Variants in TUNAR observed in about 807,000 individuals in gnomAD.
TUNAR encodes the protein protein TUNAR.
chr14:95,907,744 A>G (rs1889449241), intron 2 of TUNAR, among the ~76,000 whole-genome samples: 1 of 152,200 alleles, frequency 6.6e-6, no homozygotes, highest in Non-Finnish European at 1.5e-5. Flanking sequence ...TTATGCCAGC[A>G]GGTCATCCCA....
At chr14:95,877,485 T>C (rs1242461789) in intron 2 of TUNAR, among the ~76,000 whole-genome samples, 1 of 152,184 alleles carries the variant, frequency 6.6e-6, no homozygotes, top group African/African-American at 2.4e-5. Context: ...GCAACAACTC[T>C]TATTTAGTGG....
chr14:95,912,401 C>T (rs1362853461), intron 2 of TUNAR, among the ~76,000 whole-genome samples: 1 of 152,108 alleles, frequency 6.6e-6, no homozygotes, highest in African/African-American at 2.4e-5. Flanking sequence ...TCGACACTGC[C>T]TTTTATTGTA....
chr14:95,884,755 C>T (rs983693005), intron 2 of TUNAR, among the ~76,000 whole-genome samples: 1 of 152,204 alleles, frequency 6.6e-6, no homozygotes, highest in African/African-American at 2.4e-5. Context: ...CAAGTATTCA[C>T]AAGACACCTG....
chr14:95,905,174 C>T (rs934748937), intron 2 of TUNAR, among the ~76,000 whole-genome samples: 1 of 152,132 alleles, frequency 6.6e-6, no homozygotes, highest in African/African-American at 2.4e-5. Context: ...ACCCAGTGGC[C>T]CCTCCCGTGA....
intron 2 of TUNAR, among the ~76,000 whole-genome samples, chr14:95,918,146 G>T (rs1172302254): frequency 6.6e-6 from 1 of 152,082 alleles, no homozygotes; most frequent in Admixed American, 6.6e-5. Context: ...TACATAGTGG[G>T]TGTATATATT....
At chr14:95,914,059 T>C (rs1224821970) in intron 2 of TUNAR, among the ~76,000 whole-genome samples, 1 of 152,164 alleles carries the variant, frequency 6.6e-6, no homozygotes, top group Non-Finnish European at 1.5e-5. Context: ...CAACCTTGGA[T>C]AAATATGGGC....
intron 2 of TUNAR, among the ~76,000 whole-genome samples, chr14:95,901,376 G>A (rs1316624752): frequency 6.6e-6 from 1 of 152,250 alleles, no homozygotes; most frequent in Non-Finnish European, 1.5e-5. Context: ...TTGGGGGCCA[G>A]GGATTCTGTT....
intron 2 of TUNAR, among the ~76,000 whole-genome samples, chr14:95,916,474 G>A (rs141888892): frequency 1.6e-4 from 25 of 152,260 alleles, no homozygotes; most frequent in African/African-American, 5.5e-4. Flanking sequence ...TTTCCTCGAC[G>A]CTGTGTGTTT....
At chr14:95,911,211 G>A (rs919437406) in intron 2 of TUNAR, among the ~76,000 whole-genome samples, 2 of 152,102 alleles carry the variant, frequency 1.3e-5, no homozygotes, top group Admixed American at 6.6e-5. Flanking sequence ...AGCCCTACTC[G>A]ATGTAGCATT....
intron 2 of TUNAR, among the ~76,000 whole-genome samples, chr14:95,916,206 A>T (rs1460085455): frequency 6.6e-6 from 1 of 152,208 alleles, no homozygotes; most frequent in Non-Finnish European, 1.5e-5. Context: ...CCAGTGGCTT[A>T]GAGAGTCCTG....
At chr14:95,913,819 G>A (rs932612173) in intron 2 of TUNAR, among the ~76,000 whole-genome samples, 6 of 151,960 alleles carry the variant, frequency 3.9e-5, no homozygotes, top group Non-Finnish European at 7.4e-5. Context: ...TGCAACCTCC[G>A]CCTCCCAGGT....
intron 2 of TUNAR, among the ~76,000 whole-genome samples, chr14:95,889,295 T>G (rs1052619805): frequency 6.6e-6 from 1 of 152,198 alleles, no homozygotes; most frequent in African/African-American, 2.4e-5. Flanking sequence ...GATATAAAGA[T>G]GAACATATTA....
chr14:95,880,430 C>T (rs546546522), intron 2 of TUNAR, among the ~76,000 whole-genome samples: 12 of 152,274 alleles, frequency 7.9e-5, no homozygotes, highest in Non-Finnish European at 1.6e-4. Flanking sequence ...TCCCCTTGCA[C>T]GGTAGAGGCT....
intron 2 of TUNAR, among the ~76,000 whole-genome samples, chr14:95,915,633 G>A (rs1055809689): frequency 2.6e-5 from 4 of 152,234 alleles, no homozygotes; most frequent in African/African-American, 4.8e-5. Context: ...AGCCCTGCCC[G>A]GCTGGGATTC....
intron 2 of TUNAR, among the ~76,000 whole-genome samples, chr14:95,907,399 A>G (rs1462255341): frequency 6.6e-6 from 1 of 152,202 alleles, no homozygotes; most frequent in Non-Finnish European, 1.5e-5. Flanking sequence ...CTTTGCCTTC[A>G]AGGGTTGGAA....
At chr14:95,899,778 C>T (rs768615294) in intron 2 of TUNAR, among the ~76,000 whole-genome samples, 1 of 152,298 alleles carries the variant, frequency 6.6e-6, no homozygotes, top group African/African-American at 2.4e-5. Context: ...ACCCTCATTA[C>T]CTAATCTCCT....
At chr14:95,898,962 A>G (rs1889306197) in intron 2 of TUNAR, among the ~76,000 whole-genome samples, 1 of 152,244 alleles carries the variant, frequency 6.6e-6, no homozygotes, top group Non-Finnish European at 1.5e-5. Flanking sequence ...AGACTGGGTA[A>G]CTGACCAGGA....
rs1219703846 is a variant in TUNAR, at chr14:95,904,394, A to AGAG, written c.13-18384_13-18382dup. On this transcript the variant is annotated intron_variant, in intron 2 of 2. Coordinates refer to ENST00000678517, the Ensembl canonical transcript of TUNAR. ...GCAGAGCACAGTGGGAGGGAGTGGG[A>AGAG]GAGGAAAGGTGGGCCCTGGAATGAT... Among the ~76,000 whole-genome samples, 3 of 152,040 alleles carry AGAG rather than the reference A, an allele frequency of 2.0e-5. No homozygotes were observed. The East Asian group carries it at 5.8e-4, about 29-fold the overall frequency.
intron 2 of TUNAR, among the ~76,000 whole-genome samples, chr14:95,903,433 C>T (rs1191172227): frequency 3.3e-5 from 5 of 152,190 alleles, no homozygotes; most frequent in South Asian, 2.1e-4. Flanking sequence ...AGACCAAGCT[C>T]AAAGCCCAGA....
Sources: allele counts gnomAD v4.1 joint callset (sites outside exome capture counted in the v4.1 genomes callset), GRCh38; gene constraint gnomAD v4.1.1; transcripts MANE v1.5; gene names NCBI Gene and HGNC (gene_info 2026-07-23, HGNC 2026-07-21).